Variants in SLC35F4 observed in about 807,000 individuals in gnomAD.
SLC35F4 encodes the protein chromosome 14 open reading frame 36.
SLC35F4 carries 24 observed loss-of-function variants against 44.2 expected under a neutral mutation model. That is an observed-to-expected ratio of 0.54 (90% CI 0.39 to 0.76). SLC35F4 has a LOEUF of 0.76. Among genes scored for constraint, SLC35F4 ranks in the 30% least tolerant of loss-of-function variants. SLC35F4 has a pLI of 0.00. For missense variants in SLC35F4, 562 were observed against 586.1 expected, an observed-to-expected ratio of 0.96 and a Z score of 0.42; for synonymous variants, 238 against 223.6, an observed-to-expected ratio of 1.06 and a Z score of -0.57.
At chr14:57,574,881 A>T (rs553014246) in intron 4 of SLC35F4, among the ~76,000 whole-genome samples, 1 of 147,528 alleles carries the variant, frequency 6.8e-6, no homozygotes, top group East Asian at 2.3e-4. Context: ...GTCATCAAAG[A>T]GGGATTAATA....
intron 1 of SLC35F4, among the ~76,000 whole-genome samples, chr14:57,799,792 G>A (rs867045276): frequency 6.6e-6 from 1 of 152,204 alleles, no homozygotes; most frequent in Non-Finnish European, 1.5e-5. Flanking sequence ...CCTCCTCACT[G>A]GGTGGGACCT....
At chr14:57,608,931 G>C (rs1371438422) in intron 1 of SLC35F4, among the ~76,000 whole-genome samples, 1 of 152,156 alleles carries the variant, frequency 6.6e-6, no homozygotes, top group African/African-American at 2.4e-5. Flanking sequence ...ACTGTTGGTG[G>C]AGTAGCAGGG....
At chr14:57,869,197 GT>G (rs147513546), upstream of SLC35F4, among the ~76,000 whole-genome samples, 950 of 142,424 alleles carry the variant, frequency 6.7e-3, 8 homozygotes, top group African/African-American at 0.017. Flanking sequence ...ACGTGTTGTG[GT>G]TTTTTTTTTT....
At chr14:57,787,813 A>G (rs957490485) in intron 1 of SLC35F4, among the ~76,000 whole-genome samples, 5 of 152,252 alleles carry the variant, frequency 3.3e-5, no homozygotes, top group African/African-American at 7.2e-5. Flanking sequence ...TCTTTAAAGA[A>G]TAAATCACAC....
chr14:57,774,148 C>A (rs903950031), intron 1 of SLC35F4, among the ~76,000 whole-genome samples: 1 of 152,058 alleles, frequency 6.6e-6, no homozygotes, highest in Non-Finnish European at 1.5e-5. Flanking sequence ...ACTAGCAGAT[C>A]TTTAGAGGGA....
chr14:57,808,502 A>T (rs1881604527), intron 1 of SLC35F4, among the ~76,000 whole-genome samples: 1 of 152,034 alleles, frequency 6.6e-6, no homozygotes, highest in Admixed American at 6.6e-5. Flanking sequence ...GCTGTTAATG[A>T]TTATTTGATA....
At chr14:57,629,626 A>G (rs12898168) in intron 1 of SLC35F4, among the ~76,000 whole-genome samples, 66,083 of 152,016 alleles carry the variant, frequency 0.43, 16,213 homozygotes, top group Non-Finnish European at 0.55. Context: ...GTGCCCATAA[A>G]TAGAAAAGAA....
intron 1 of SLC35F4, among the ~76,000 whole-genome samples, chr14:57,677,537 T>C (rs1164046329): frequency 1.3e-5 from 2 of 152,050 alleles, no homozygotes; most frequent in Non-Finnish European, 2.9e-5. Context: ...TAACTTGCTG[T>C]TTGAGTGTTT....
downstream of SLC35F4, among the ~76,000 whole-genome samples, chr14:57,973,962 T>C (rs1334766697): frequency 6.6e-6 from 1 of 151,996 alleles, no homozygotes; most frequent in African/African-American, 2.4e-5. Flanking sequence ...AAACGGAGAG[T>C]ACTCCAGTTG....
At chr14:57,652,049 C>T (rs2073802598) in intron 1 of SLC35F4, among the ~76,000 whole-genome samples, 1 of 152,166 alleles carries the variant, frequency 6.6e-6, no homozygotes, top group Admixed American at 6.5e-5. Flanking sequence ...AGGAAAGAAG[C>T]TCCAAGAGGA....
intron 1 of SLC35F4, among the ~76,000 whole-genome samples, chr14:57,626,992 C>G: frequency 6.6e-6 from 1 of 152,138 alleles, no homozygotes; most frequent in East Asian, 1.9e-4. Flanking sequence ...CAATGTGGCA[C>G]TGTAGCCCTC....
At chr14:57,979,702 A>C (rs1594668268) in intron 1 of SLC35F4, among the ~76,000 whole-genome samples, 1 of 152,366 alleles carries the variant, frequency 6.6e-6, no homozygotes, top group South Asian at 2.1e-4. Context: ...GCTAAGATGC[A>C]CTTCCCAAGA....
chr14:57,779,588 C>A (rs2077569368), intron 1 of SLC35F4, among the ~76,000 whole-genome samples: 2 of 152,134 alleles, frequency 1.3e-5, no homozygotes, highest in African/African-American at 4.8e-5. Flanking sequence ...TTCTATGAGG[C>A]CAGAATCATC....
intron 1 of SLC35F4, among the ~76,000 whole-genome samples, chr14:57,888,812 T>C (rs1888703701): frequency 6.6e-6 from 1 of 152,222 alleles, no homozygotes; most frequent in South Asian, 2.1e-4. Flanking sequence ...GCTCTAAACA[T>C]AGAACTTATT....
At chr14:57,875,687 T>A (rs1449191951) in intron 1 of SLC35F4, among the ~76,000 whole-genome samples, 1 of 152,216 alleles carries the variant, frequency 6.6e-6, no homozygotes, top group Non-Finnish European at 1.5e-5. Context: ...GAGTTAAGAA[T>A]GCAAAGCCTC....
chr14:57,564,280 T>A lies in SLC35F4; in HGVS notation c.1313A>T (p.Glu438Val). ...CIGFLLMLLP[E>V]EWDEITLRFI... is the part of the protein sequence containing the mutation. ...CCTCAGGGTGATTTCATCCCATTCC[T>A]CAGGCAACAGCATCAGCAGAAACCC... The change falls in exon 8 of 8, where the codon GAG (glutamate) becomes GTG (valine). Residue 438 changes from glutamate (E) to valine (V), a missense_variant. Physicochemically the swap from Glu to Val is moderately radical, Grantham distance 121. Coordinates refer to ENST00000556826, the MANE Select transcript of SLC35F4 (RefSeq NM_001306087.2). 1 of 1,612,986 alleles carries A rather than the reference T, an allele frequency of 6.2e-7. No homozygotes were observed. The highest frequency in any genetic ancestry group is 8.5e-7 in the Non-Finnish European group (1 of 1,179,544).
chr14:57,682,544 G>A (rs150779098), intron 1 of SLC35F4, among the ~76,000 whole-genome samples: 7 of 151,966 alleles, frequency 4.6e-5, no homozygotes, highest in Non-Finnish European at 1.0e-4. Flanking sequence ...TGTAGATGAC[G>A]GATTGATGGG....
At chr14:57,799,699 G>C (rs757825245) in intron 1 of SLC35F4, among the ~76,000 whole-genome samples, 2 of 152,306 alleles carry the variant, frequency 1.3e-5, no homozygotes, top group East Asian at 3.9e-4. Flanking sequence ...TGGTCAAAAC[G>C]AGGAAGGCTC....
At chr14:57,807,618 A>C in intron 1 of SLC35F4, among the ~76,000 whole-genome samples, 1 of 151,902 alleles carries the variant, frequency 6.6e-6, no homozygotes, top group East Asian at 1.9e-4. Flanking sequence ...AAATCTACTG[A>C]CTGATTTATA....
Sources: allele counts gnomAD v4.1 joint callset (sites outside exome capture counted in the v4.1 genomes callset), GRCh38; gene constraint gnomAD v4.1.1; transcripts MANE v1.5; gene names NCBI Gene and HGNC (gene_info 2026-07-23, HGNC 2026-07-21).